The following SLC2A13 variants were observed in gnomAD, a reference collection of about 807,000 sequenced individuals.
SLC2A13 encodes the protein solute carrier family 2 member 13, also known as proton myo-inositol cotransporter.
A neutral mutation model predicts 64.4 loss-of-function variants in SLC2A13; 32 were observed. The observed-to-expected ratio is 0.50, with a 90% CI of 0.37 to 0.67. SLC2A13 has a LOEUF of 0.67. Ranked by LOEUF, SLC2A13 falls within the 30% of genes least tolerant of loss-of-function variation. SLC2A13 has a pLI of 0.00. For missense variants in SLC2A13, 743 were observed against 829.2 expected (o/e 0.90, Z 1.28); for synonymous variants, 338 against 327.1 (o/e 1.03, Z -0.36).
In SLC2A13 at chr12:39,788,534, T is replaced by G. The variant is rs369318220; in HGVS notation, c.1446-23676A>C. ...ATGGTACACAATTTAAAACTTATAA[T>G]TGTTTATTTCTGAAATTGCCCGTTT... On this transcript the variant is annotated intron_variant, in intron 7 of 9. Transcript: ENST00000280871. 2.0e-5 allele frequency: 3 copies of G among 152,304 alleles called. No individual in the cohort carries two copies. In the South Asian group the frequency reaches 6.2e-4, roughly 32 times the overall value. 9.4% of individuals were successfully genotyped at this position (152,304 alleles called of 1,614,324 possible).
intron 1 of SLC2A13, among the ~76,000 whole-genome samples, chr12:40,102,259 G>C (rs1939176099): frequency 6.6e-6 from 1 of 152,112 alleles, no homozygotes; most frequent in Non-Finnish European, 1.5e-5. Flanking sequence ...ATATCTGACA[G>C]GATCCATAAT....
intron 6 of SLC2A13, among the ~76,000 whole-genome samples, chr12:39,859,873 A>C (rs1263803773): frequency 2.6e-5 from 4 of 152,170 alleles, no homozygotes; most frequent in Admixed American, 2.6e-4. Flanking sequence ...CTAGAGGCAT[A>C]GTCCCTTTTG....
chr12:39,894,888 T>G (rs1467320878), intron 4 of SLC2A13, among the ~76,000 whole-genome samples: 4 of 152,138 alleles, frequency 2.6e-5, no homozygotes, highest in Non-Finnish European at 5.9e-5. Context: ...GAAATGGATA[T>G]GAAACCATCG....
intron 1 of SLC2A13, among the ~76,000 whole-genome samples, chr12:40,100,927 C>A (rs1939123652): frequency 7.9e-6 from 1 of 126,988 alleles, no homozygotes; most frequent in Non-Finnish European, 1.6e-5. Context: ...ATCTCGCCAC[C>A]GTGCTCCAGC....
intron 1 of SLC2A13, among the ~76,000 whole-genome samples, chr12:40,060,956 G>A (rs1195522099): frequency 6.6e-6 from 1 of 152,078 alleles, no homozygotes; most frequent in Non-Finnish European, 1.5e-5. Flanking sequence ...TTGGGAGAAG[G>A]TTAAAGAAAG....
chr12:39,960,443 T>C (rs1946388752), intron 3 of SLC2A13, among the ~76,000 whole-genome samples: 1 of 152,222 alleles, frequency 6.6e-6, no homozygotes, highest in Non-Finnish European at 1.5e-5. Context: ...TGCAGCAGCG[T>C]GATCTCAGCT....
At chr12:39,970,316 G>T (rs948162330) in intron 3 of SLC2A13, among the ~76,000 whole-genome samples, 9 of 152,142 alleles carry the variant, frequency 5.9e-5, no homozygotes, top group African/African-American at 1.4e-4. Context: ...CTTTAAAGTG[G>T]TTTTTTCCAA....
intron 7 of SLC2A13, among the ~76,000 whole-genome samples, chr12:39,788,119 G>T (rs1257525860): frequency 1.3e-5 from 2 of 152,048 alleles, no homozygotes; most frequent in Non-Finnish European, 2.9e-5. Flanking sequence ...CTTATGTACT[G>T]TTGTTCACCT....
At chr12:39,850,400 C>T (rs771415509) in intron 6 of SLC2A13, among the ~76,000 whole-genome samples, 1 of 152,092 alleles carries the variant, frequency 6.6e-6, no homozygotes, top group Non-Finnish European at 1.5e-5. Context: ...AGCCATGGCA[C>T]TCATTGTTAG....
At chr12:40,086,415 C>A (rs1938589540) in intron 1 of SLC2A13, among the ~76,000 whole-genome samples, 1 of 152,138 alleles carries the variant, frequency 6.6e-6, no homozygotes, top group Non-Finnish European at 1.5e-5. Context: ...TCCTTTAGTG[C>A]CACTTGTTTT....
chr12:39,919,182 G>A (rs1161390123), intron 4 of SLC2A13, among the ~76,000 whole-genome samples: 3 of 151,990 alleles, frequency 2.0e-5, no homozygotes, highest in Non-Finnish European at 4.4e-5. Context: ...CTGGGCCTCG[G>A]TCTCCCAAAA....
At chr12:40,085,037 A>G (rs1938546406) in intron 1 of SLC2A13, among the ~76,000 whole-genome samples, 1 of 152,186 alleles carries the variant, frequency 6.6e-6, no homozygotes, top group South Asian at 2.1e-4. Context: ...ATTGATTATG[A>G]CACTTCTTTA....
At chr12:39,960,744 CTT>C (rs71434303) in intron 3 of SLC2A13, among the ~76,000 whole-genome samples, 188 of 108,810 alleles carry the variant, frequency 1.7e-3, no homozygotes, top group South Asian at 6.0e-3. Flanking sequence ...CTGTCTCATT[CTT>C]TTTTTTTTTT....
chr12:39,768,846 A>G (rs1287931133), intron 7 of SLC2A13, among the ~76,000 whole-genome samples: 2 of 152,124 alleles, frequency 1.3e-5, no homozygotes, highest in African/African-American at 2.4e-5. Flanking sequence ...GTGACAATAG[A>G]CTGGCTTGAT....
intron 1 of SLC2A13, among the ~76,000 whole-genome samples, chr12:40,097,177 T>C (rs778949879): frequency 1.3e-5 from 2 of 152,166 alleles, no homozygotes; most frequent in Non-Finnish European, 2.9e-5. Context: ...ATGCCTCTGT[T>C]AAGCTGCTAA....
intron 4 of SLC2A13, among the ~76,000 whole-genome samples, chr12:39,924,270 C>T (rs756670842): frequency 9.2e-5 from 14 of 152,094 alleles, no homozygotes; most frequent in Non-Finnish European, 1.9e-4. Context: ...AAGAGATACA[C>T]AGGTTGTTGT....
chr12:39,859,568 G>T (rs990309233), intron 6 of SLC2A13, among the ~76,000 whole-genome samples: 1 of 152,084 alleles, frequency 6.6e-6, no homozygotes, highest in African/African-American at 2.4e-5. Context: ...TGTCACCCAG[G>T]CTGGAGTGCA....
chr12:39,879,123 A>C (rs1944272869), intron 4 of SLC2A13, among the ~76,000 whole-genome samples: 1 of 152,256 alleles, frequency 6.6e-6, no homozygotes, highest in South Asian at 2.1e-4. Flanking sequence ...GCAGAATGCA[A>C]AAGTGAAGAA....
chr12:39,889,157 A>G (rs1375073216), intron 4 of SLC2A13, among the ~76,000 whole-genome samples: 1 of 152,142 alleles, frequency 6.6e-6, no homozygotes, highest in East Asian at 1.9e-4. Flanking sequence ...TTCATTTTAA[A>G]GTTTATTAGG....
Sources: gnomAD v4.1 joint callset for allele counts (sites outside exome capture counted in the v4.1 genomes callset) on GRCh38, gnomAD v4.1.1 for gene constraint, MANE v1.5 for transcripts, NCBI Gene and HGNC (gene_info 2026-07-23, HGNC 2026-07-21) for gene names.